The following TRRAP variants were observed in gnomAD, a reference collection of about 807,000 sequenced individuals.
The protein encoded by TRRAP is transformation/transcription domain-associated protein.
A neutral mutation model predicts 438.8 loss-of-function variants in TRRAP; 41 were observed. The ratio of observed to expected loss-of-function variants is 0.09; its 90% CI spans 0.07 to 0.12. TRRAP has a LOEUF of 0.12. Ranked by LOEUF, TRRAP falls within the 10% of genes least tolerant of loss-of-function variation. The probability of loss-of-function intolerance (pLI) is 1.00; values close to 1 mark genes in which losing one functional copy is unlikely to be tolerated. For synonymous variants in TRRAP, 1,994 were observed against 1,962.9 expected, an observed-to-expected ratio of 1.02 and a Z score of -0.42; for missense variants, 3,122 against 5,055.1, an observed-to-expected ratio of 0.62 and a Z score of 11.60.
intron 3 of TRRAP, among the ~76,000 whole-genome samples, chr7:98,887,827 CT>C (rs2116273156): frequency 6.6e-6 from 1 of 152,076 alleles, no homozygotes; most frequent in South Asian, 2.1e-4. Flanking sequence ...TTATAGACCC[CT>C]CTTCTGAAGT....
intron 12 of TRRAP, among the ~76,000 whole-genome samples, chr7:98,905,446 A>C (rs545828926): frequency 6.6e-6 from 1 of 152,248 alleles, no homozygotes; most frequent in South Asian, 2.1e-4. Context: ...CTTTGGGATG[A>C]TTGTATTAAT....
At chr7:99,003,865 A>T (rs1475839064) in intron 67 of TRRAP, among the ~76,000 whole-genome samples, 1 of 152,156 alleles carries the variant, frequency 6.6e-6, no homozygotes, top group East Asian at 1.9e-4. Context: ...GGAGTTCAAG[A>T]CCAGCCTGGC....
In TRRAP at chr7:98,956,336, C is replaced by G. The variant is rs782272680; in HGVS notation, c.6096+32C>G. On this transcript the variant is annotated intron_variant, in intron 42 of 72. Coordinates refer to ENST00000456197, the MANE Select transcript of TRRAP (RefSeq NM_001375524.1). The surrounding 1 kb of genome is among the most constrained non-coding windows in gnomAD (Gnocchi z 4.5). ...GTGTCAGCCTCAGGGGTGCCCCGAT[C>G]GTCTTCCTTTGACTTCTCCCTAGAA... The G allele has an allele frequency of 1.9e-6, 3 of 1,613,402 alleles. No homozygotes were observed. The Admixed American group carries it at 5.0e-5, about 27-fold the overall frequency.
intron 3 of TRRAP, among the ~76,000 whole-genome samples, chr7:98,889,473 A>G (rs1195181895): frequency 6.6e-6 from 1 of 152,000 alleles, no homozygotes. Flanking sequence ...CAAAGTTTCT[A>G]CTTCCTAAGT....
At chr7:98,987,598 T>C (rs1298527085) in intron 62 of TRRAP, among the ~76,000 whole-genome samples, 1 of 152,242 alleles carries the variant, frequency 6.6e-6, no homozygotes, top group African/African-American at 2.4e-5. Flanking sequence ...GGATTCTTCT[T>C]TTCTGTGTAT....
intron 69 of TRRAP, 26 bp from the exon 70 acceptor site, chr7:99,008,351 C>T: frequency 6.2e-7 from 1 of 1,609,634 alleles, no homozygotes; most frequent in South Asian, 1.1e-5. Flanking sequence ...CCTCAGCCTG[C>T]CCCGTTTCTC....
chr7:99,012,293 G>T lies in TRRAP; in HGVS notation c.11560G>T (p.Ala3854Ser), dbSNP rs1269591120. The change falls in exon 73 of 73, where the codon GCC becomes TCC. Residue 3854 changes from alanine to serine, a missense_variant. Around this residue, in one of 24 missense-constraint regions of TRRAP, gnomAD observed 192 missense variants for 355.6 expected, o/e 0.54. Coordinates refer to ENST00000456197, the MANE Select transcript of TRRAP (RefSeq NM_001375524.1). This position sits in a 1 kb window ranked among gnomAD's most constrained non-coding sequence, Gnocchi z 5.9. ...GGESKVNTLV[A>S]AANSLDNLCR... ...GGAAAGCAAGGTGAACACCCTGGTGGCCGCGGCAAACAGCCTGGACAATCT... is the reference window on the plus strand; with the variant it reads ...GGAAAGCAAGGTGAACACCCTGGTGTCCGCGGCAAACAGCCTGGACAATCT... The T allele has an allele frequency of 6.2e-7, 1 of 1,612,974 alleles. No homozygotes were observed. The highest frequency in any genetic ancestry group is 8.5e-7 in the Non-Finnish European group (1 of 1,179,710).
At position 98,965,544 on chromosome 7, in the gene TRRAP, T is replaced by C; in HGVS notation, c.6977-152T>C. ...CATTTCCAAGATGCACGTAAGAACA[T>C]ATGAGTGCTTCAAATCCCAGAGCTC... On this transcript the variant is annotated intron_variant, in intron 48 of 72. Transcript: ENST00000456197. 4 of 1,001,024 alleles carry C rather than the reference T, an allele frequency of 4.0e-6. No individual in the cohort carries two copies. The Admixed American group carries it at 6.6e-5, about 16-fold the overall frequency. 62.0% of individuals were successfully genotyped at this position (1,001,024 alleles called of 1,614,324 possible).
In TRRAP at chr7:98,967,549, C is replaced by T. The variant is rs1390223813; in HGVS notation, c.7363C>T (p.Arg2455Cys). The change falls in exon 51 of 73, where the codon CGC becomes TGC. Residue 2455 changes from arginine (R) to cysteine (C), a missense_variant. Around this residue, in one of 24 missense-constraint regions of TRRAP, gnomAD observed 992 missense variants for 1,281.2 expected, o/e 0.77. Transcript: ENST00000456197. Reference sequence around the variant, plus strand: ...TGAGCCTGCCTTTCTCTCTGGGCTGCGCTGTGCCCAGCCACTCATCAGGGC... The same window carrying T: ...TGAGCCTGCCTTTCTCTCTGGGCTGTGCTGTGCCCAGCCACTCATCAGGGC... ...KLEPAFLSGL[R>C]CAQPLIRAKF... 3.1e-6 allele frequency: 5 copies of T among 1,613,922 alleles called. No homozygotes were observed. The highest frequency in any genetic ancestry group is 2.2e-5 in the East Asian group (1 of 44,878).
chr7:98,953,412 A>T lies in TRRAP; in HGVS notation c.5709A>T (p.Ile1903=), dbSNP rs1791437664. The T allele has an allele frequency of 1.9e-6, 3 of 1,611,970 alleles. No individual in the cohort carries two copies. In the African/African-American group the frequency reaches 4.0e-5, roughly 22 times the overall value. ...CGCACATTATCGCCAAATTCGCCAT[A>T]CACAAGAAGATCGTCCTGCAGGTAT... is the stretch of plus-strand genomic sequence containing the variant. The part of the protein sequence containing the change: ...LLAHIIAKFA[I]HKKIVLQVFH... The change falls in exon 40 of 73, where the codon ATA becomes ATT. Residue 1903 remains isoleucine (I), a synonymous_variant. Transcript: ENST00000456197.
chr7:98,892,544 T>G lies in TRRAP; in HGVS notation c.366+16T>G. On this transcript the variant is annotated intron_variant, in intron 5 of 72. Transcript: ENST00000456197. ...CTTTTTAGAGGTAAGTTTTGAGAAT[T>G]AATTCTTGTCGTATAGCCGTATGTA... The G allele has an allele frequency of 6.3e-7, 1 of 1,582,602 alleles. No individual in the cohort carries two copies. Among genetic ancestry groups the G allele is most frequent in the African/African-American group, 1.4e-5 (1 of 73,742 alleles).
chr7:98,983,427 G>A lies in TRRAP; in HGVS notation c.8990G>A (p.Ser2997Asn), dbSNP rs749059995. 2.5e-6 allele frequency: 4 copies of A among 1,614,218 alleles called. No homozygotes were observed. In the South Asian group the frequency reaches 3.3e-5, roughly 13 times the overall value. Residue 2997 changes from serine to asparagine, a missense_variant, in exon 60 of 73, where the codon AGC becomes AAC. By Grantham distance (46) the Ser-to-Asn change is conservative. Transcript: ENST00000456197. ...IVSDDLSHWS[S>N]IFMWRQHHYQ... is the part of the protein sequence containing the mutation. ...TCTGACGACTTGTCCCACTGGAGCAGCATCTTCATGTGGAGGCAGCATCAT... is the reference window on the plus strand; with the variant it reads ...TCTGACGACTTGTCCCACTGGAGCAACATCTTCATGTGGAGGCAGCATCAT...
Position 98,881,085 on chromosome 7 carries a change from C to T in TRRAP, c.-61-5C>T, listed in dbSNP as rs1554402955. 28 of 1,386,664 alleles carry T rather than the reference C, an allele frequency of 2.0e-5. No individual in the cohort carries two copies. Among genetic ancestry groups the T allele is most frequent in the Non-Finnish European group, 1.6e-5 (16 of 1,010,174 alleles). The allele number at this position is 1,386,664 out of a possible 1,614,324, so 85.9% of individuals were successfully genotyped here. A position where few individuals can be genotyped will look rare whatever the true frequency, so the allele number is the denominator to read the frequency against. ...AATTGACTAACTCTATGCTTCTTTTCATAGGCTGGTTGAACTCATGGACCT... is the reference window on the plus strand; with the variant it reads ...AATTGACTAACTCTATGCTTCTTTTTATAGGCTGGTTGAACTCATGGACCT... On this transcript the variant is annotated splice_region_variant and splice_polypyrimidine_tract_variant and intron_variant, in intron 1 of 72. Coordinates refer to ENST00000456197, the MANE Select transcript of TRRAP (RefSeq NM_001375524.1).
chr7:98,994,221 T>C lies in TRRAP; in HGVS notation c.10048-366T>C, dbSNP rs903809067. Among the ~76,000 whole-genome samples, 7 of 152,172 alleles carry C rather than the reference T, an allele frequency of 4.6e-5. No homozygotes were observed. The highest frequency in any genetic ancestry group is 1.7e-4 in the African/African-American group (7 of 41,438). Reference sequence around the variant, plus strand: ...CCCCGGGGCCAGCTCCTTACTGCTGTGAAGTCTCGTGTGTGCACAGTGCAC... The same window carrying C: ...CCCCGGGGCCAGCTCCTTACTGCTGCGAAGTCTCGTGTGTGCACAGTGCAC... On this transcript the variant is annotated intron_variant, in intron 66 of 72. Coordinates refer to ENST00000456197, the MANE Select transcript of TRRAP (RefSeq NM_001375524.1). The surrounding 1 kb of genome is among the most constrained non-coding windows in gnomAD (Gnocchi z 4.8).
At chr7:98,991,471 TA>T (rs1793431580) in intron 64 of TRRAP, among the ~76,000 whole-genome samples, 1 of 152,218 alleles carries the variant, frequency 6.6e-6, no homozygotes, top group African/African-American at 2.4e-5. Context: ...GTGTAGCACT[TA>T]TCCTCAGGAT....
chr7:98,898,456 A>G (rs1284714533), intron 8 of TRRAP, among the ~76,000 whole-genome samples: 1 of 152,208 alleles, frequency 6.6e-6, no homozygotes, highest in Non-Finnish European at 1.5e-5. Flanking sequence ...AATTTTTGTG[A>G]TTGAATTATT....
chr7:99,000,503 G>C (rs1402656115), intron 67 of TRRAP, among the ~76,000 whole-genome samples: 6 of 152,210 alleles, frequency 3.9e-5, no homozygotes, highest in Non-Finnish European at 8.8e-5. Context: ...TTTCCCTCCA[G>C]CCTGCGAAAC....
At chr7:98,927,784 C>T (rs550130205) in intron 23 of TRRAP, among the ~76,000 whole-genome samples, 7 of 152,118 alleles carry the variant, frequency 4.6e-5, no homozygotes, top group Non-Finnish European at 1.0e-4. Context: ...GTCTCCCCTG[C>T]GATGCCCGTT....
chr7:98,912,235 T>C (rs1789305877), intron 18 of TRRAP, 22 bp downstream of exon 18: 4 of 1,609,180 alleles, frequency 2.5e-6, no homozygotes, highest in Non-Finnish European at 8.5e-7. Flanking sequence ...TTAATCTAAG[T>C]AGTGCTTCTG....
Sources: allele counts gnomAD v4.1 joint callset (sites outside exome capture counted in the v4.1 genomes callset), GRCh38; gene constraint gnomAD v4.1.1; regional missense constraint gnomAD v4.1.1; non-coding constraint Gnocchi (gnomAD v3.1); transcripts MANE v1.5; gene names NCBI Gene and HGNC (gene_info 2026-07-23, HGNC 2026-07-21).